ACSS3: variants seen among roughly 807,000 people sequenced by gnomAD.
ACSS3 encodes acyl-CoA synthetase short chain family member 3.
A neutral mutation model predicts 84.2 loss-of-function variants in ACSS3; 64 were observed. The observed-to-expected ratio is 0.76, with a 90% CI of 0.62 to 0.94. The LOEUF (loss-of-function observed/expected upper bound fraction) is 0.94, where lower values mean the gene tolerates loss of function less well. ACSS3 is among the 40% of genes least tolerant of loss of function. The pLI is 0.00. For synonymous variants in ACSS3, 317 were observed against 310.1 expected (o/e 1.02, Z -0.23); for missense variants, 815 against 867.6 (o/e 0.94, Z 0.76).
chr12:81,122,286 C>T (rs560877468), intron 2 of ACSS3, among the ~76,000 whole-genome samples: 88 of 151,942 alleles, frequency 5.8e-4, no homozygotes, highest in Middle Eastern at 3.4e-3. Context: ...AAAATTCTCA[C>T]GGAGAACTCA....
At chr12:81,249,025 C>CAGT (rs1189816269) in intron 13 of ACSS3, among the ~76,000 whole-genome samples, 1 of 151,954 alleles carries the variant, frequency 6.6e-6, no homozygotes, top group Non-Finnish European at 1.5e-5. Context: ...TTTAAGAGGA[C>CAGT]AGTATCCTTG....
intron 2 of ACSS3, among the ~76,000 whole-genome samples, chr12:81,116,275 G>T (rs1884038009): frequency 6.6e-6 from 1 of 151,972 alleles, no homozygotes; most frequent in Non-Finnish European, 1.5e-5. Flanking sequence ...ATATAAAGAA[G>T]ATAAGCACTA....
chr12:81,234,984 A>G (rs573351853), intron 13 of ACSS3, among the ~76,000 whole-genome samples: 1 of 151,410 alleles, frequency 6.6e-6, no homozygotes, highest in Non-Finnish European at 1.5e-5. Flanking sequence ...CTAACTCAGC[A>G]TCACAAAGAT....
At chr12:81,124,466 C>T (rs1204020592) in intron 2 of ACSS3, 1 of 152,196 alleles carries the variant, frequency 6.6e-6, no homozygotes, top group African/African-American at 2.4e-5. Context: ...AGACCTGGAT[C>T]AATCCAATTT....
chr12:81,107,635 G>A (rs1221160353), intron 1 of ACSS3, among the ~76,000 whole-genome samples: 4 of 142,654 alleles, frequency 2.8e-5, no homozygotes, highest in African/African-American at 1.0e-4. Flanking sequence ...CCTTTTTGTT[G>A]GTGTGTTAGA....
At chr12:81,092,661 T>C (rs1327450445) in intron 1 of ACSS3, among the ~76,000 whole-genome samples, 1 of 151,902 alleles carries the variant, frequency 6.6e-6, no homozygotes, top group Non-Finnish European at 1.5e-5. Context: ...GAAAGACAAA[T>C]CAGAAAAGAG....
At chr12:81,133,971 A>G (rs1007359050) in intron 2 of ACSS3, among the ~76,000 whole-genome samples, 4 of 60,722 alleles carry the variant, frequency 6.6e-5, no homozygotes, top group Non-Finnish European at 9.5e-5. Flanking sequence ...CTTGCAATAA[A>G]TTTTATCATG....
intron 2 of ACSS3, among the ~76,000 whole-genome samples, chr12:81,132,060 T>G (rs1593107273): frequency 1.3e-5 from 2 of 152,196 alleles, no homozygotes; most frequent in East Asian, 1.9e-4. Context: ...TGCATCGATG[T>G]TCATCAGGGA....
At chr12:81,230,969 T>A in intron 11 of ACSS3, 88 bp from the exon 12 acceptor site, 1 of 972,088 alleles carries the variant, frequency 1.0e-6, no homozygotes, top group Non-Finnish European at 1.6e-6. Flanking sequence ...ATTGTAATTA[T>A]CTGTCACAGT....
chr12:81,210,140 T>G (rs1385654412), intron 9 of ACSS3, among the ~76,000 whole-genome samples: 4 of 152,166 alleles, frequency 2.6e-5, no homozygotes, highest in Admixed American at 2.6e-4. Context: ...ACTCAGCCCC[T>G]ATTCAAGATG....
chr12:81,100,151 T>C (rs10862238), intron 1 of ACSS3, among the ~76,000 whole-genome samples: 53,304 of 151,466 alleles, frequency 0.35, 11,832 homozygotes, highest in Non-Finnish European at 0.5. Flanking sequence ...AGTCCAGGTT[T>C]TTATGCTGGA....
At chr12:81,148,833 G>A (rs375479250) in intron 5 of ACSS3, among the ~76,000 whole-genome samples, 15 of 150,276 alleles carry the variant, frequency 1.0e-4, no homozygotes, top group African/African-American at 3.7e-4. Context: ...AGGCCGAGGC[G>A]GGCAGATCAC....
Position 81,105,549 on chromosome 12 carries a change from ATTC to A in ACSS3, c.312-4005_312-4003del, listed in dbSNP as rs1465149706. On this transcript the variant is annotated intron_variant, in intron 1 of 15. Transcript: ENST00000548058. ...CAATTCCTAACCACGTGCCCTGGGT[ATTC>A]TTCTTATCTCTATTCTCTTGACTTT... Among the ~76,000 whole-genome samples the A allele has an allele frequency of 3.3e-5, 5 of 152,258 alleles. No homozygotes were observed. The South Asian group carries it at 8.3e-4, about 25-fold the overall frequency.
rs764208062 is a variant in ACSS3 at position 81,253,667 on chromosome 12, C to T, written c.1992C>T (p.Tyr664=). ...CTGCCATTGTCAATGGCAAGCCATA[C>T]AAGGTAAATTATCAAAGATATTTAT... ...ALSAIVNGKP[Y]KITSTIEDPS... Residue 664 remains tyrosine (Y), a synonymous_variant, in exon 15 of 16, where the codon TAC becomes TAT. Coordinates refer to ENST00000548058, the MANE Select transcript of ACSS3 (RefSeq NM_024560.4). The T allele has an allele frequency of 4.3e-6, 7 of 1,610,672 alleles. No homozygotes were observed. The highest frequency in any genetic ancestry group is 5.9e-6 in the Non-Finnish European group (7 of 1,177,710).
intron 5 of ACSS3, among the ~76,000 whole-genome samples, chr12:81,143,857 A>T (rs991137427): frequency 2.6e-5 from 4 of 152,212 alleles, no homozygotes; most frequent in Non-Finnish European, 5.9e-5. Context: ...AGTTGAAAGC[A>T]TCAATATTCA....
intron 9 of ACSS3, among the ~76,000 whole-genome samples, chr12:81,203,623 A>C (rs1395285677): frequency 6.6e-6 from 1 of 152,198 alleles, no homozygotes; most frequent in East Asian, 1.9e-4. Flanking sequence ...TCCACCCCTC[A>C]TAGGAACATT....
At chr12:81,111,975 G>A (rs552850699) in intron 2 of ACSS3, among the ~76,000 whole-genome samples, 22 of 152,250 alleles carry the variant, frequency 1.4e-4, no homozygotes, top group African/African-American at 5.3e-4. Context: ...GTCTGTAACT[G>A]AAAACTGTAT....
intron 13 of ACSS3, among the ~76,000 whole-genome samples, chr12:81,236,234 T>C (rs757967331): frequency 5.3e-5 from 8 of 151,580 alleles, no homozygotes; most frequent in African/African-American, 9.7e-5. Flanking sequence ...TGATTTTTCT[T>C]TTTAACAATG....
chr12:81,233,965 A>T (rs888156520), intron 13 of ACSS3, among the ~76,000 whole-genome samples: 3 of 151,614 alleles, frequency 2.0e-5, no homozygotes, highest in African/African-American at 7.3e-5. Context: ...CAATACTATG[A>T]GTATTTATAC....
Sources: allele counts gnomAD v4.1 joint callset (sites outside exome capture counted in the v4.1 genomes callset), GRCh38; gene constraint gnomAD v4.1.1; transcripts MANE v1.5; gene names NCBI Gene and HGNC (gene_info 2026-07-23, HGNC 2026-07-21).